Variants in MBTPS1 observed in about 807,000 individuals in gnomAD.
The protein encoded by MBTPS1 is membrane bound transcription factor peptidase, site 1.
MBTPS1 carries 94 observed loss-of-function variants against 127.8 expected under a neutral mutation model. The observed-to-expected ratio is 0.74, with a 90% confidence interval of 0.62 to 0.87. MBTPS1 has a LOEUF of 0.87. Ranked by LOEUF, MBTPS1 falls within the 40% of genes least tolerant of loss-of-function variation. MBTPS1 has a pLI of 0.00. For missense variants in MBTPS1, 1,636 were observed against 1,353.2 expected, an observed-to-expected ratio of 1.21 and a Z score of -3.28; for synonymous variants, 632 against 509.4, an observed-to-expected ratio of 1.24 and a Z score of -3.24.
Position 84,085,044 on chromosome 16 carries a change from C to A in MBTPS1, c.1225G>T (p.Ala409Ser), listed in dbSNP as rs1269353997. Reference protein sequence around the residue: ...RGSGVKGGCRALSGTSVASPV... With the variant: ...RGSGVKGGCRSLSGTSVASPV... ...GAAGCAACACTGGTCCCTGAGAGGGCCCGGCACCCCCCTTTCACGCCAGAA... is the reference window on the plus strand; with the variant it reads ...GAAGCAACACTGGTCCCTGAGAGGGACCGGCACCCCCCTTTCACGCCAGAA... Residue 409 changes from alanine (A) to serine (S), a missense_variant, in exon 10 of 23, where the codon GCC becomes TCC. Physicochemically the swap from Ala to Ser is moderately conservative, Grantham distance 99 (BLOSUM62 1). Transcript: ENST00000343411. 3 of 1,614,202 alleles carry A rather than the reference C, an allele frequency of 1.9e-6. No homozygotes were observed. The Admixed American group carries it at 5.0e-5, about 27-fold the overall frequency.
In MBTPS1 at chr16:84,066,475, A is replaced by C. The variant is rs2085684814; in HGVS notation, c.2353+14T>G. On this transcript the variant is annotated intron_variant, in intron 17 of 22. Coordinates refer to ENST00000343411, the MANE Select transcript of MBTPS1 (RefSeq NM_003791.4). ...TCACACCTAAGACCACGCCCTCAGG[A>C]AACAGAGCCTTACTGTCATGGTTGG... 6.2e-7 allele frequency: 1 copy of C among 1,613,496 alleles called. No homozygotes were observed. The highest frequency in any genetic ancestry group is 1.7e-5 in the Admixed American group (1 of 59,938).
At chr16:84,070,407 T>C (rs139793906) in intron 13 of MBTPS1, among the ~76,000 whole-genome samples, 181 bp downstream of exon 13, 1 of 152,356 alleles carries the variant, frequency 6.6e-6, no homozygotes, top group East Asian at 1.9e-4. Flanking sequence ...ACTCACTGAC[T>C]GAGCTACTTC....
rs10714716 is a variant in MBTPS1 at position 84,091,486 on chromosome 16, CAAAAAAAAA to C, written c.963+237_963+245del. ...GGCCAACAAGAATAAAACTCCATCT[CAAAAAAAAA>C]AAAAAAAAAAAAATCAGCAAGGCAC... On this transcript the variant is annotated intron_variant, in intron 7 of 22. Transcript: ENST00000343411. Among the ~76,000 whole-genome samples the C allele has an allele frequency of 1.8e-4, 15 of 85,666 alleles. No homozygotes were observed. In the Admixed American group the frequency reaches 2.1e-3, roughly 12 times the overall value. 56.2% of individuals were successfully genotyped at this position (85,666 alleles called of 152,430 possible).
At chr16:84,111,311 G>A (rs754670536) in intron 1 of MBTPS1, among the ~76,000 whole-genome samples, 1 of 152,110 alleles carries the variant, frequency 6.6e-6, no homozygotes, top group Non-Finnish European at 1.5e-5. Flanking sequence ...AGGCCAAGTC[G>A]GGCAGATCAC....
chr16:84,107,747 C>G (rs2086344085), intron 1 of MBTPS1, among the ~76,000 whole-genome samples: 1 of 151,696 alleles, frequency 6.6e-6, no homozygotes, highest in Admixed American at 6.6e-5. Context: ...CTTGGTCACC[C>G]AGGGTGGAGG....
At chr16:84,100,703 G>A (rs1341185013) in intron 2 of MBTPS1, among the ~76,000 whole-genome samples, 1 of 151,990 alleles carries the variant, frequency 6.6e-6, no homozygotes, top group Non-Finnish European at 1.5e-5. Context: ...CTCCAGCCTG[G>A]GCGACAAGAG....
rs1487148747 is a variant in MBTPS1, at chr16:84,077,262, A to G, written c.1449-2521T>C. 3.3e-5 allele frequency among the ~76,000 whole-genome samples: 5 copies of G among 150,922 alleles called. No individual in the cohort carries two copies. The East Asian group carries it at 7.7e-4, about 23-fold the overall frequency. On this transcript the variant is annotated intron_variant, in intron 11 of 22. Coordinates refer to ENST00000343411, the MANE Select transcript of MBTPS1 (RefSeq NM_003791.4). ...AAAAAAAAAAAAAAGAGAGAGAGAA[A>G]AGAAAAGAAAGAAAGAAAAGAATAC...
intron 1 of MBTPS1, among the ~76,000 whole-genome samples, chr16:84,116,170 C>A (rs1460218202): frequency 6.6e-6 from 1 of 152,130 alleles, no homozygotes; most frequent in Non-Finnish European, 1.5e-5. Context: ...TTCTCAGGGG[C>A]TCAACCCAAT....
chr16:84,056,200 G>A, intron 21 of MBTPS1, 65 bp from the exon 22 acceptor site: 1 of 1,399,390 alleles, frequency 7.1e-7, no homozygotes, highest in Non-Finnish European at 1.0e-6. Flanking sequence ...TACTAGTCTA[G>A]GAAGTTCAAC....
intron 14 of MBTPS1, 35 bp downstream of exon 14, chr16:84,069,831 C>A (rs968761690): frequency 6.3e-7 from 1 of 1,577,642 alleles, no homozygotes; most frequent in Non-Finnish European, 8.7e-7. Flanking sequence ...ACCACGGAGG[C>A]TGGGGAGGTG....
In MBTPS1 at chr16:84,065,129, T is replaced by C. The variant is rs372748054; in HGVS notation, c.2431+561A>G. Among the ~76,000 whole-genome samples the C allele has an allele frequency of 2.7e-4, 41 of 152,074 alleles. 1 individual carries two copies. The South Asian group carries it at 4.8e-3, about 18-fold the overall frequency. ...AAGTAACCTTGAAGGTAGTTTTTTTTTTTTTTTTGAGATGGTCTCCCTCTG... is the reference window on the plus strand; with the variant it reads ...AAGTAACCTTGAAGGTAGTTTTTTTCTTTTTTTTGAGATGGTCTCCCTCTG... On this transcript the variant is annotated intron_variant, in intron 18 of 22. Transcript: ENST00000343411.
intron 8 of MBTPS1, 26 bp downstream of exon 8, chr16:84,090,849 A>G (rs16962780): frequency 0.034 from 53,791 of 1,567,164 alleles, 1,178 homozygotes; most frequent in African/African-American, 0.067. Flanking sequence ...AAAATCCCCG[A>G]GGTCATCCCT....
At chr16:84,101,085 G>T (rs62048229) in intron 2 of MBTPS1, among the ~76,000 whole-genome samples, 1 of 151,670 alleles carries the variant, frequency 6.6e-6, no homozygotes, top group East Asian at 1.9e-4. Context: ...CGGATCACGA[G>T]GTCAGGAGCT....
chr16:84,104,521 A>T lies in MBTPS1; in HGVS notation c.-324-2414T>A, dbSNP rs531385217. ...TCTTAAAACTTTTCTGCCTCAAGCT[A>T]AAGAATCTATGACACATGTGGGCTC... On this transcript the variant is annotated intron_variant, in intron 1 of 22. Transcript: ENST00000343411. Among the ~76,000 whole-genome samples, 5 of 152,290 alleles carry T rather than the reference A, an allele frequency of 3.3e-5. No individual in the cohort carries two copies. The East Asian group carries it at 5.8e-4, about 18-fold the overall frequency.
intron 10 of MBTPS1, among the ~76,000 whole-genome samples, chr16:84,082,797 G>T (rs150578646): frequency 1.3e-5 from 2 of 152,184 alleles, no homozygotes; most frequent in African/African-American, 4.8e-5. Context: ...AGTGCTCAAA[G>T]CTATGGGTCA....
intron 18 of MBTPS1, among the ~76,000 whole-genome samples, chr16:84,064,035 A>G (rs1024256670): frequency 6.6e-6 from 1 of 152,254 alleles, no homozygotes; most frequent in Non-Finnish European, 1.5e-5. Flanking sequence ...ATCTTTGCCC[A>G]GATGACATAA....
intron 9 of MBTPS1, among the ~76,000 whole-genome samples, chr16:84,085,698 G>A (rs1008188020): frequency 3.3e-5 from 5 of 151,282 alleles, no homozygotes; most frequent in Non-Finnish European, 7.4e-5. Flanking sequence ...CAATGGCAAA[G>A]GCATAAAGCA....
intron 11 of MBTPS1, among the ~76,000 whole-genome samples, chr16:84,080,542 C>T (rs775997609): frequency 6.6e-6 from 1 of 152,260 alleles, no homozygotes; most frequent in Non-Finnish European, 1.5e-5. Flanking sequence ...ACACTGCTGG[C>T]TGACACCCGC....
chr16:84,065,325 G>T (rs956084429), intron 18 of MBTPS1, among the ~76,000 whole-genome samples: 2 of 152,106 alleles, frequency 1.3e-5, no homozygotes, highest in Admixed American at 6.5e-5. Flanking sequence ...CACTGTGTTA[G>T]CCAGGATGGT....
Sources: allele counts gnomAD v4.1 joint callset (sites outside exome capture counted in the v4.1 genomes callset), GRCh38; gene constraint gnomAD v4.1.1; transcripts MANE v1.5; gene names NCBI Gene and HGNC (gene_info 2026-07-23, HGNC 2026-07-21).